ST6GALNAC3: variants seen among roughly 807,000 people sequenced by gnomAD.
ST6GALNAC3 encodes the protein ST6 N-acetylgalactosaminide alpha-2,6-sialyltransferase 3.
A neutral mutation model predicts 32.7 loss-of-function variants in ST6GALNAC3; 25 were observed. The observed-to-expected ratio is 0.76, with a 90% confidence interval of 0.56 to 1.07. The LOEUF (loss-of-function observed/expected upper bound fraction) is 1.07, where lower values mean the gene tolerates loss of function less well. Ranked by LOEUF, ST6GALNAC3 falls within the 50% of genes least tolerant of loss-of-function variation. The pLI is 0.00. For synonymous variants in ST6GALNAC3, 129 were observed against 133.1 expected (o/e 0.97, Z 0.21); for missense variants, 355 against 382.4 (o/e 0.93, Z 0.60).
chr1:76,454,838 C>T (rs1657657453), intron 3 of ST6GALNAC3, among the ~76,000 whole-genome samples: 1 of 113,466 alleles, frequency 8.8e-6, no homozygotes, highest in Non-Finnish European at 2.0e-5. Flanking sequence ...TGCTAGTCTT[C>T]AGTGAGCAGT....
chr1:76,482,842 A>C (rs1488885098), intron 3 of ST6GALNAC3, among the ~76,000 whole-genome samples: 2 of 151,284 alleles, frequency 1.3e-5, no homozygotes, highest in Non-Finnish European at 2.9e-5. Context: ...CATCATTTAC[A>C]TTAGTTATAT....
chr1:76,169,750 A>T (rs1380989373), intron 1 of ST6GALNAC3, among the ~76,000 whole-genome samples: 1 of 152,124 alleles, frequency 6.6e-6, no homozygotes, highest in African/African-American at 2.4e-5. Flanking sequence ...CTATTCTGCT[A>T]TTAATACTTG....
intron 2 of ST6GALNAC3, among the ~76,000 whole-genome samples, chr1:76,329,837 C>A (rs1647154614): frequency 6.6e-6 from 1 of 151,414 alleles, no homozygotes; most frequent in South Asian, 2.1e-4. Flanking sequence ...GAGATGGAGT[C>A]TTGCTCTGTC....
Position 76,285,790 on chromosome 1 carries a change from C to T in ST6GALNAC3, c.19-28015C>T, listed in dbSNP as rs116257156. On this transcript the variant is annotated intron_variant, in intron 1 of 4. Transcript: ENST00000328299. Reference sequence around the variant, plus strand: ...GCAGAGAGGAACAGAGACAGAACAGCGAGAAACAGATACAGGAAGATACAT... The same window carrying T: ...GCAGAGAGGAACAGAGACAGAACAGTGAGAAACAGATACAGGAAGATACAT... 4.4e-3 allele frequency among the ~76,000 whole-genome samples: 668 copies of T among 151,770 alleles called. 6 individuals carry two copies. The highest frequency in any genetic ancestry group is 0.015 in the African/African-American group (632 of 41,340).
chr1:76,563,415 C>T (rs1665361862), intron 3 of ST6GALNAC3, among the ~76,000 whole-genome samples: 1 of 152,166 alleles, frequency 6.6e-6, no homozygotes, highest in Non-Finnish European at 1.5e-5. Context: ...CCCAAGAAGT[C>T]ACGCTCATTG....
chr1:76,561,764 C>G (rs1395530438), intron 3 of ST6GALNAC3, among the ~76,000 whole-genome samples: 1 of 152,132 alleles, frequency 6.6e-6, no homozygotes, highest in African/African-American at 2.4e-5. Context: ...TAATTTCACT[C>G]TGAGAAAAAT....
At chr1:76,123,749 A>ATTTTTT (rs767734132) in intron 1 of ST6GALNAC3, among the ~76,000 whole-genome samples, 21 of 94,288 alleles carry the variant, frequency 2.2e-4, no homozygotes, top group South Asian at 3.8e-4. Flanking sequence ...ACTCATTTTA[A>ATTTTTT]TTTTTTTTTT....
intron 1 of ST6GALNAC3, among the ~76,000 whole-genome samples, chr1:76,112,413 C>T (rs1417857782): frequency 2.1e-4 from 29 of 141,352 alleles, no homozygotes; most frequent in Admixed American, 3.7e-4. Flanking sequence ...GCTGGCCGGG[C>T]GGGGGGCTAA....
intron 1 of ST6GALNAC3, among the ~76,000 whole-genome samples, chr1:76,135,003 G>A (rs1008276188): frequency 1.3e-5 from 2 of 152,028 alleles, no homozygotes; most frequent in Admixed American, 1.3e-4. Context: ...TTAGCCAGGC[G>A]TGGTGGCATG....
intron 1 of ST6GALNAC3, among the ~76,000 whole-genome samples, chr1:76,289,898 A>T (rs1234494518): frequency 6.6e-6 from 1 of 152,132 alleles, no homozygotes; most frequent in Admixed American, 6.5e-5. Context: ...CAGAGGGAGG[A>T]GGGAATGAGT....
At chr1:76,464,387 T>C (rs1422040859) in intron 3 of ST6GALNAC3, among the ~76,000 whole-genome samples, 1 of 152,188 alleles carries the variant, frequency 6.6e-6, no homozygotes, top group East Asian at 1.9e-4. Context: ...TAACTGTGGG[T>C]GATGTTGATC....
chr1:76,564,100 AC>A (rs1665407778), intron 3 of ST6GALNAC3, among the ~76,000 whole-genome samples: 1 of 152,216 alleles, frequency 6.6e-6, no homozygotes, highest in East Asian at 1.9e-4. Context: ...TCCTAGTTAG[AC>A]CGTAGACTTA....
intron 1 of ST6GALNAC3, among the ~76,000 whole-genome samples, chr1:76,196,654 T>C (rs889910865): frequency 3.9e-5 from 6 of 152,124 alleles, no homozygotes; most frequent in East Asian, 1.9e-4. Flanking sequence ...TTAGTAGAGA[T>C]GGTGTTTCAC....
chr1:76,187,287 G>A (rs928656096), intron 1 of ST6GALNAC3, among the ~76,000 whole-genome samples: 1 of 152,138 alleles, frequency 6.6e-6, no homozygotes, highest in Non-Finnish European at 1.5e-5. Flanking sequence ...CCATCCTGAA[G>A]TTCTATAATT....
At chr1:76,174,283 CAG>C (rs1401831178) in intron 1 of ST6GALNAC3, among the ~76,000 whole-genome samples, 7 of 152,128 alleles carry the variant, frequency 4.6e-5, no homozygotes, top group Non-Finnish European at 1.0e-4. Context: ...TACGTGGACA[CAG>C]AGAGTGGAAC....
chr1:76,556,739 T>C (rs1353402750), intron 3 of ST6GALNAC3, among the ~76,000 whole-genome samples: 1 of 152,110 alleles, frequency 6.6e-6, no homozygotes, highest in African/African-American at 2.4e-5. Context: ...CTTATTGAGC[T>C]TTAAAAATTC....
chr1:76,605,780 A>G (rs192938100), intron 3 of ST6GALNAC3, among the ~76,000 whole-genome samples: 114 of 140,438 alleles, frequency 8.1e-4, no homozygotes, highest in African/African-American at 2.9e-3. Context: ...CAGGAGAATC[A>G]CTTGAACCCA....
At chr1:76,586,074 C>A (rs1646958311) in intron 3 of ST6GALNAC3, among the ~76,000 whole-genome samples, 1 of 152,186 alleles carries the variant, frequency 6.6e-6, no homozygotes, top group East Asian at 1.9e-4. Context: ...TCATCAAATT[C>A]TGTGGACTCT....
At chr1:76,576,981 C>T in intron 3 of ST6GALNAC3, 1 of 1,268,532 alleles carries the variant, frequency 7.9e-7, no homozygotes, top group East Asian at 5.6e-5. Context: ...CTAAGCAAGA[C>T]AAAACAAATA....
Sources: allele counts gnomAD v4.1 joint callset (sites outside exome capture counted in the v4.1 genomes callset), GRCh38; gene constraint gnomAD v4.1.1; transcripts MANE v1.5; gene names NCBI Gene and HGNC (gene_info 2026-07-23, HGNC 2026-07-21).